LINGO1: variants seen among roughly 807,000 people sequenced by gnomAD.
The protein encoded by LINGO1 is leucine-rich repeat and immunoglobulin-like domain-containing nogo receptor-interacting protein 1.
LINGO1 carries 11 observed loss-of-function variants against 37.3 expected under a neutral mutation model. That is an observed-to-expected ratio of 0.29 (90% CI 0.19 to 0.49). The LOEUF is 0.49. Ranked by LOEUF, LINGO1 falls within the 20% of genes least tolerant of loss-of-function variation. LINGO1 has a pLI of 0.99. For missense variants in LINGO1, 585 were observed against 878.2 expected (o/e 0.67, Z 4.22); for synonymous variants, 387 against 403.0 (o/e 0.96, Z 0.48).
chr15:77,740,229 G>A (rs148384761), intron 1 of LINGO1, among the ~76,000 whole-genome samples: 94 of 152,338 alleles, frequency 6.2e-4, no homozygotes, highest in African/African-American at 2.1e-3. Context: ...GTATGAGACC[G>A]CCAGACAGAG....
At position 77,613,842 on chromosome 15, in the gene LINGO1, G is replaced by C; in HGVS notation, c.*202C>G. 1.7e-6 allele frequency: 1 copy of C among 599,824 alleles called. No homozygotes were observed. The highest frequency in any genetic ancestry group is 2.1e-5 in the South Asian group (1 of 48,050). The allele number at this position is 599,824 out of a possible 1,614,324, so 37.2% of individuals were successfully genotyped here. On this transcript the variant is annotated 3_prime_UTR_variant, in exon 2 of 2. Transcript: ENST00000355300. ...TGCCCCTGTGTAGGTGGGGTCCCCA[G>C]GTCTGGGCTTCTGAGGTCCTGGTAG...
intron 2 of LINGO1, among the ~76,000 whole-genome samples, chr15:77,729,411 A>G (rs1216945133): frequency 3.3e-5 from 5 of 152,250 alleles, no homozygotes; most frequent in Non-Finnish European, 7.3e-5. Context: ...GCAGATGTGC[A>G]GACCCAGCTT....
At chr15:77,716,574 T>C (rs1237295730) in intron 2 of LINGO1, among the ~76,000 whole-genome samples, 2 of 150,058 alleles carry the variant, frequency 1.3e-5, no homozygotes, top group Non-Finnish European at 3.0e-5. Flanking sequence ...CACACGTCTA[T>C]GCAGCATTAG....
At chr15:77,717,885 T>C (rs982486594) in intron 2 of LINGO1, among the ~76,000 whole-genome samples, 1 of 150,582 alleles carries the variant, frequency 6.6e-6, no homozygotes, top group African/African-American at 2.4e-5. Flanking sequence ...GGGGCCCGAG[T>C]GGAGAAGGAA....
chr15:77,667,658 A>G (rs1333815239), intron 3 of LINGO1: 1 of 152,232 alleles, frequency 6.6e-6, no homozygotes, highest in Non-Finnish European at 1.5e-5. Context: ...GAGCTCCTCC[A>G]CTTGTCTGCC....
At chr15:77,790,617 G>A (rs779889060), upstream of LINGO1, among the ~76,000 whole-genome samples, 1 of 152,186 alleles carries the variant, frequency 6.6e-6, no homozygotes, top group Admixed American at 6.5e-5. Flanking sequence ...GAGGCCCCAG[G>A]AAGGCAGGGG....
intron 1 of LINGO1, among the ~76,000 whole-genome samples, chr15:77,757,127 C>T (rs1479975982): frequency 6.6e-6 from 1 of 152,210 alleles, no homozygotes; most frequent in Non-Finnish European, 1.5e-5. Flanking sequence ...ACCCTGCCTT[C>T]CCCTCCCCAC....
chr15:77,753,437 C>T lies in LINGO1; in HGVS notation c.-256-18384G>A, dbSNP rs569863231. On this transcript the variant is annotated intron_variant, in intron 1 of 3. Coordinates refer to the LINGO1 transcript ENST00000561686. Reference sequence around the variant, plus strand: ...CTGGGAGGAGACTCTGCGGGCCTGGCTGAGCCAGGCGCTGTTCATGGTGCT... The same window carrying T: ...CTGGGAGGAGACTCTGCGGGCCTGGTTGAGCCAGGCGCTGTTCATGGTGCT... 2.0e-5 allele frequency among the ~76,000 whole-genome samples: 3 copies of T among 152,342 alleles called. No homozygotes were observed. In the East Asian group the frequency reaches 5.8e-4, roughly 29 times the overall value.
intron 1 of LINGO1, among the ~76,000 whole-genome samples, chr15:77,630,581 C>T (rs1454206701): frequency 6.6e-6 from 1 of 152,166 alleles, no homozygotes; most frequent in Non-Finnish European, 1.5e-5. Flanking sequence ...GTCTCTCCAC[C>T]TCCCTCCCAG....
chr15:77,631,456 G>A (rs370474486), intron 1 of LINGO1, among the ~76,000 whole-genome samples: 36 of 152,314 alleles, frequency 2.4e-4, no homozygotes, highest in African/African-American at 8.2e-4. Context: ...AGCAGGAACC[G>A]GGAGGGGCTG....
At chr15:77,646,212 C>T (rs2074624313) in intron 3 of LINGO1, 1 of 265,838 alleles carries the variant, frequency 3.8e-6, no homozygotes, top group South Asian at 3.7e-5. Flanking sequence ...CAATTGTCCC[C>T]ACCTGTGTCT....
chr15:77,792,176 G>A (rs572533498), intron 2 of LINGO1, among the ~76,000 whole-genome samples: 225 of 152,256 alleles, frequency 1.5e-3, no homozygotes, highest in African/African-American at 5.1e-3. Flanking sequence ...CTCCACCCCT[G>A]TTCCTCGGCT....
upstream of LINGO1, chr15:77,634,157 A>G: frequency 2.3e-6 from 1 of 431,842 alleles, no homozygotes; most frequent in Non-Finnish European, 4.7e-6. Flanking sequence ...TCTCCCAGGA[A>G]GCCTGCGCAA....
rs148605916 is a variant in LINGO1 at position 77,639,473 on chromosome 15, C to T, written c.-12-23573G>A. 1.5e-3 allele frequency among the ~76,000 whole-genome samples: 224 copies of T among 151,966 alleles called. 1 individual carries two copies. The highest frequency in any genetic ancestry group is 5.1e-3 in the African/African-American group (212 of 41,450). On this transcript the variant is annotated intron_variant, in intron 3 of 3. Coordinates refer to the LINGO1 transcript ENST00000559893. ...TCCAGTAAAGGTGGAAAGACGCACACCCTACGACCCAGCAGTTCCCCGAGG... is the reference window on the plus strand; with the variant it reads ...TCCAGTAAAGGTGGAAAGACGCACATCCTACGACCCAGCAGTTCCCCGAGG...
chr15:77,776,556 G>GGAAGGCAGGAAGGCA (rs1307931922), intron 1 of LINGO1, among the ~76,000 whole-genome samples: 2 of 150,760 alleles, frequency 1.3e-5, no homozygotes, highest in East Asian at 3.9e-4. Context: ...GAGGGAGGGA[G>GGAAGGCAGGAAGGCA]GGAGCTGACT....
At chr15:77,703,146 C>T (rs2075805913) in intron 2 of LINGO1, among the ~76,000 whole-genome samples, 1 of 152,226 alleles carries the variant, frequency 6.6e-6, no homozygotes, top group African/African-American at 2.4e-5. Flanking sequence ...CAAGGGGCTA[C>T]TCCTTCTTCA....
chr15:77,684,833 G>A (rs952950969), intron 2 of LINGO1, among the ~76,000 whole-genome samples: 1 of 152,166 alleles, frequency 6.6e-6, no homozygotes, highest in Non-Finnish European at 1.5e-5. Flanking sequence ...GGAAGCTAGG[G>A]CAAAGAGACT....
intron 1 of LINGO1, among the ~76,000 whole-genome samples, chr15:77,816,224 G>C (rs2077046980): frequency 6.6e-6 from 1 of 152,188 alleles, no homozygotes; most frequent in African/African-American, 2.4e-5. Context: ...CCCATCCGGG[G>C]AGGGGCCCAG....
At chr15:77,806,751 AG>A (rs1369237441) in intron 1 of LINGO1, among the ~76,000 whole-genome samples, 1 of 152,086 alleles carries the variant, frequency 6.6e-6, no homozygotes, top group Non-Finnish European at 1.5e-5. Flanking sequence ...CCCACAGCAC[AG>A]GCAGAGGAGG....
Sources: gnomAD v4.1 joint callset for allele counts (sites outside exome capture counted in the v4.1 genomes callset) on GRCh38, gnomAD v4.1.1 for gene constraint, MANE v1.5 for transcripts, NCBI Gene and HGNC (gene_info 2026-07-23, HGNC 2026-07-21) for gene names.